Variants in IGSF21 observed in about 807,000 individuals in gnomAD.
IGSF21 encodes immunoglobin superfamily member 21.
In IGSF21, 28 loss-of-function variants were observed where a neutral mutation model predicts 46.8. The observed-to-expected ratio is 0.60, with a 90% CI of 0.44 to 0.82. The LOEUF is 0.82. Among genes scored for constraint, IGSF21 ranks in the 40% least tolerant of loss-of-function variants. The pLI is 0.00. For synonymous variants in IGSF21, 284 were observed against 273.6 expected, an observed-to-expected ratio of 1.04 and a Z score of -0.38; for missense variants, 624 against 665.5, an observed-to-expected ratio of 0.94 and a Z score of 0.69.
At chr1:18,119,324 T>C (rs2086213218) in intron 1 of IGSF21, among the ~76,000 whole-genome samples, 1 of 152,242 alleles carries the variant, frequency 6.6e-6, no homozygotes, top group African/African-American at 2.4e-5. Context: ...AGTGGCCATG[T>C]GTGACTACTG....
chr1:18,122,201 T>C (rs867253423), intron 1 of IGSF21, among the ~76,000 whole-genome samples: 22,286 of 121,938 alleles, frequency 0.18, 905 homozygotes, highest in Non-Finnish European at 0.23. Context: ...TTCTTTTTTT[T>C]TTTTTTTTTT....
chr1:18,243,607 A>G (rs1011172983), intron 2 of IGSF21, among the ~76,000 whole-genome samples: 8 of 152,068 alleles, frequency 5.3e-5, no homozygotes, highest in African/African-American at 1.9e-4. Flanking sequence ...ATCATTCCTC[A>G]GTTTTGCCTG....
intron 1 of IGSF21, among the ~76,000 whole-genome samples, chr1:18,125,201 G>A (rs756890015): frequency 6.6e-6 from 1 of 152,196 alleles, no homozygotes; most frequent in Non-Finnish European, 1.5e-5. Context: ...CATGTGGTTC[G>A]AACTCTGCGG....
intron 1 of IGSF21, among the ~76,000 whole-genome samples, chr1:18,213,903 G>T (rs1390924259): frequency 1.3e-5 from 2 of 152,036 alleles, no homozygotes; most frequent in Non-Finnish European, 2.9e-5. Context: ...CACTTCAAAG[G>T]CCTGAGGACT....
At position 18,334,739 on chromosome 1, in the gene IGSF21, G is replaced by A. The variant is rs1025225711; in HGVS notation, c.306-153G>A. 2.0e-5 allele frequency among the ~76,000 whole-genome samples: 3 copies of A among 152,178 alleles called. No homozygotes were observed. Among genetic ancestry groups the A allele is most frequent in the Non-Finnish European group, 4.4e-5 (3 of 68,032 alleles). On this transcript the variant is annotated intron_variant, in intron 3 of 9. Transcript: ENST00000251296. This position sits in a 1 kb window ranked among gnomAD's most constrained non-coding sequence, Gnocchi z 4.3. ...AGCACAGGGTCTGCATACAGTCGGT[G>A]TTCCATAAATGCTCCCCTCCTCCCA...
intron 1 of IGSF21, among the ~76,000 whole-genome samples, chr1:18,137,642 G>T (rs184113345): frequency 1.3e-5 from 2 of 152,152 alleles, no homozygotes; most frequent in Non-Finnish European, 2.9e-5. Context: ...ACTTTGGGGG[G>T]ATGGAGACAT....
At chr1:18,135,411 C>G (rs1004245806) in intron 1 of IGSF21, among the ~76,000 whole-genome samples, 2 of 147,982 alleles carry the variant, frequency 1.4e-5, no homozygotes, top group African/African-American at 2.5e-5. Context: ...TCCCTCCCCC[C>G]TCCCCCAACC....
At chr1:18,191,397 C>T (rs558133500) in intron 1 of IGSF21, among the ~76,000 whole-genome samples, 39 of 152,208 alleles carry the variant, frequency 2.6e-4, no homozygotes, top group African/African-American at 9.1e-4. Flanking sequence ...GGATTACACA[C>T]CTAGAGGAAT....
At chr1:18,164,696 G>A (rs1027984705) in intron 1 of IGSF21, among the ~76,000 whole-genome samples, 29 of 151,446 alleles carry the variant, frequency 1.9e-4, no homozygotes, top group Admixed American at 1.9e-3. Flanking sequence ...CATACTTTTT[G>A]CCCATATTTG....
chr1:18,268,119 C>T (rs930824088), intron 2 of IGSF21, among the ~76,000 whole-genome samples: 5 of 152,244 alleles, frequency 3.3e-5, no homozygotes, highest in African/African-American at 4.8e-5. Flanking sequence ...CAGGAATGAA[C>T]GACTTGGCCT....
chr1:18,301,241 G>A (rs910559479), intron 3 of IGSF21, among the ~76,000 whole-genome samples: 1 of 152,198 alleles, frequency 6.6e-6, no homozygotes, highest in Non-Finnish European at 1.5e-5. Flanking sequence ...GCACTCCATG[G>A]GCCATTGGAG....
intron 1 of IGSF21, among the ~76,000 whole-genome samples, chr1:18,117,178 G>T (rs139063798): frequency 2.0e-5 from 3 of 152,350 alleles, no homozygotes; most frequent in Admixed American, 6.5e-5. Context: ...GCTCTGGGTT[G>T]CCCAAAGAAA....
intron 1 of IGSF21, among the ~76,000 whole-genome samples, chr1:18,129,752 T>A (rs2086301695): frequency 6.6e-6 from 1 of 152,194 alleles, no homozygotes; most frequent in African/African-American, 2.4e-5. Flanking sequence ...CCAAAACTCA[T>A]GTTGAAATTT....
intron 1 of IGSF21, among the ~76,000 whole-genome samples, chr1:18,211,544 T>C (rs915972085): frequency 6.6e-6 from 1 of 152,122 alleles, no homozygotes; most frequent in African/African-American, 2.4e-5. Flanking sequence ...AAAGGCAAAA[T>C]ATTTAAGGAT....
At chr1:18,205,172 A>C (rs1055677273) in intron 1 of IGSF21, among the ~76,000 whole-genome samples, 1 of 151,814 alleles carries the variant, frequency 6.6e-6, no homozygotes, top group African/African-American at 2.4e-5. Flanking sequence ...AGAGAGAGGG[A>C]GAGGAGAGAG....
intron 1 of IGSF21, among the ~76,000 whole-genome samples, chr1:18,209,176 T>C (rs2084364416): frequency 6.6e-6 from 1 of 152,178 alleles, no homozygotes; most frequent in Admixed American, 6.5e-5. Flanking sequence ...AGGAATAAAA[T>C]CATTACAATA....
chr1:18,292,354 A>G (rs1421543443), intron 3 of IGSF21, among the ~76,000 whole-genome samples: 2 of 152,250 alleles, frequency 1.3e-5, no homozygotes, highest in African/African-American at 4.8e-5. Context: ...GCGGTGAAGC[A>G]GTTCTGCCCG....
At chr1:18,332,302 A>G (rs1204303472) in intron 3 of IGSF21, among the ~76,000 whole-genome samples, 1 of 152,214 alleles carries the variant, frequency 6.6e-6, no homozygotes, top group Non-Finnish European at 1.5e-5. Context: ...GCTGCCAGCT[A>G]CACATGTCTC....
intron 6 of IGSF21, among the ~76,000 whole-genome samples, chr1:18,369,654 G>A (rs1021676249): frequency 4.6e-5 from 7 of 152,222 alleles, no homozygotes; most frequent in East Asian, 1.9e-4. Flanking sequence ...GGACGGATTA[G>A]ATGACCTCAG....
Sources: allele counts gnomAD v4.1 joint callset (sites outside exome capture counted in the v4.1 genomes callset), GRCh38; gene constraint gnomAD v4.1.1; non-coding constraint Gnocchi (gnomAD v3.1); transcripts MANE v1.5; gene names NCBI Gene and HGNC (gene_info 2026-07-23, HGNC 2026-07-21).